The following STAC2 variants were observed in gnomAD, a reference collection of about 807,000 sequenced individuals.
STAC2 encodes SH3 and cysteine-rich domain-containing protein 2.
A neutral mutation model predicts 49.0 loss-of-function variants in STAC2; 36 were observed. The observed-to-expected ratio is 0.74, with a 90% CI of 0.56 to 0.97. The LOEUF is 0.97. Among genes scored for constraint, STAC2 ranks in the 50% least tolerant of loss-of-function variants. STAC2 has a pLI of 0.00. For synonymous variants in STAC2, 239 were observed against 214.7 expected (o/e 1.11, Z -0.99); for missense variants, 527 against 543.8 (o/e 0.97, Z 0.31).
chr17:39,218,107 A>T lies in STAC2; in HGVS notation c.157T>A (p.Phe53Ile). 5 of 1,613,382 alleles carry T rather than the reference A, an allele frequency of 3.1e-6. No individual in the cohort carries two copies. The highest frequency in any genetic ancestry group is 4.2e-6 in the Non-Finnish European group (5 of 1,180,008). ...TTGAGCTCAGAGCCCGAGCGAAGGA[A>T]GAAGTTCTCCAAGCTCTTACTTCGG... Reference protein sequence around the residue: ...ILRSKSLENFFLRSGSELKCP... With the variant: ...ILRSKSLENFILRSGSELKCP... Residue 53 changes from phenylalanine (F) to isoleucine (I), a missense_variant, in exon 2 of 11, where the codon TTC (phenylalanine) becomes ATC (isoleucine). By Grantham distance (21) the Phe-to-Ile change is conservative (BLOSUM62 0). Coordinates refer to ENST00000333461, the MANE Select transcript of STAC2 (RefSeq NM_198993.5).
chr17:39,223,563 G>A (rs1177306159), intron 1 of STAC2, among the ~76,000 whole-genome samples: 1 of 152,172 alleles, frequency 6.6e-6, no homozygotes, highest in East Asian at 1.9e-4. Flanking sequence ...AGAGGGAGAG[G>A]TACAGACCTG....
At chr17:39,213,642 C>A in intron 8 of STAC2, 84 bp from the exon 9 acceptor site, 7 of 1,105,546 alleles carry the variant, frequency 6.3e-6, no homozygotes, top group Non-Finnish European at 9.6e-6. Context: ...ACCTGGGGGA[C>A]ACTGCAGTCC....
In STAC2 at chr17:39,214,479, G is replaced by A. The variant is rs1597731498; in HGVS notation, c.844-149C>T. 3.4e-6 allele frequency: 5 copies of A among 1,467,972 alleles called. No individual in the cohort carries two copies. In the African/African-American group the frequency reaches 5.6e-5, roughly 16 times the overall value. The allele number at this position is 1,467,972 out of a possible 1,614,324, so 90.9% of individuals were successfully genotyped here. A position where few individuals can be genotyped will look rare whatever the true frequency, so the allele number is the denominator to read the frequency against. Reference sequence around the variant, plus strand: ...AGGGAGAAGTGAGACCCTCGTACATGCTATGCTCACCCACCCCAAAGCGCA... The same window carrying A: ...AGGGAGAAGTGAGACCCTCGTACATACTATGCTCACCCACCCCAAAGCGCA... On this transcript the variant is annotated intron_variant, in intron 7 of 10. Coordinates refer to ENST00000333461, the MANE Select transcript of STAC2 (RefSeq NM_198993.5).
chr17:39,213,300 T>C (rs2046371252), intron 9 of STAC2, among the ~76,000 whole-genome samples, 168 bp from the exon 10 acceptor site: 1 of 152,010 alleles, frequency 6.6e-6, no homozygotes, highest in Non-Finnish European at 1.5e-5. Flanking sequence ...AGGAATAGCA[T>C]AAGGTGAGCA....
rs1425092219 is a variant in STAC2 at position 39,212,975 on chromosome 17, G to T, written c.1131+20C>A. 3.1e-6 allele frequency: 5 copies of T among 1,612,922 alleles called. No homozygotes were observed. In the Admixed American group the frequency reaches 5.0e-5, roughly 16 times the overall value. On this transcript the variant is annotated intron_variant, in intron 10 of 10. Transcript: ENST00000333461. Reference sequence around the variant, plus strand: ...TCCCTCCCTCCGCCATAGGGCCTGGGCTGGGCCTCAGGCACTCACCTGGTT... The same window carrying T: ...TCCCTCCCTCCGCCATAGGGCCTGGTCTGGGCCTCAGGCACTCACCTGGTT...
At position 39,213,071 on chromosome 17, in the gene STAC2, C is replaced by T. The variant is rs766214466; in HGVS notation, c.1055G>A (p.Gly352Asp). ...TTGGCAGCAGCGCCAAACATTCTCG[C>T]CTGGCCTCACCCGTTGCACAAAATT... ...PANFVQRVRP[G>D]ENVWRCCQPF... The change falls in exon 10 of 11, where the codon GGC becomes GAC. Residue 352 changes from glycine to aspartate, a missense_variant. Physicochemically the swap from Gly to Asp is moderately conservative, Grantham distance 94. Coordinates refer to ENST00000333461, the MANE Select transcript of STAC2 (RefSeq NM_198993.5). 3.7e-6 allele frequency: 6 copies of T among 1,613,560 alleles called. No individual in the cohort carries two copies. The highest frequency in any genetic ancestry group is 1.1e-5 in the South Asian group (1 of 91,084).
chr17:39,225,612 GC>G lies in STAC2; in HGVS notation c.-111del. ...ACTCTGAAGCCGTTCTCCAGAGGCT[GC>G]CCCCAGTTAGCCCCCGGCACGGCAG... On this transcript the variant is annotated 5_prime_UTR_variant, in exon 1 of 11. Transcript: ENST00000333461. The surrounding 1 kb of genome is among the most constrained non-coding windows in gnomAD (Gnocchi z 8.2). The G allele has an allele frequency of 4.7e-6, 5 of 1,061,014 alleles. No homozygotes were observed. The highest frequency in any genetic ancestry group is 7.0e-6 in the Non-Finnish European group (5 of 713,706). The allele number at this position is 1,061,014 out of a possible 1,614,324, so 65.7% of individuals were successfully genotyped here.
chr17:39,218,111 G>T lies in STAC2; in HGVS notation c.153C>A (p.Asn51Lys). ...KTILRSKSLENFFLRSGSELK... is the reference protein window; with the variant it reads ...KTILRSKSLEKFFLRSGSELK... ...GCTCAGAGCCCGAGCGAAGGAAGAA[G>T]TTCTCCAAGCTCTTACTTCGGAGGA... The change falls in exon 2 of 11, where the codon AAC (asparagine) becomes AAA (lysine). Residue 51 changes from asparagine (N) to lysine (K), a missense_variant. Physicochemically the swap from Asn to Lys is moderately conservative, Grantham distance 94. Coordinates refer to ENST00000333461, the MANE Select transcript of STAC2 (RefSeq NM_198993.5). 1.9e-6 allele frequency: 3 copies of T among 1,613,448 alleles called. No homozygotes were observed. The highest frequency in any genetic ancestry group is 2.5e-6 in the Non-Finnish European group (3 of 1,180,018).
intron 10 of STAC2, 56 bp downstream of exon 10, chr17:39,212,939 C>T (rs2046367153): frequency 1.3e-6 from 2 of 1,599,432 alleles, no homozygotes; most frequent in Admixed American, 3.4e-5. Flanking sequence ...CAGCCTGTCT[C>T]CCCCGCCCAC....
At position 39,214,943 on chromosome 17, in the gene STAC2, C is replaced by T. The variant is rs1357973185; in HGVS notation, c.772+8G>A. 6.2e-7 allele frequency: 1 copy of T among 1,614,068 alleles called. No individual in the cohort carries two copies. Among genetic ancestry groups the T allele is most frequent in the Non-Finnish European group, 8.5e-7 (1 of 1,179,988 alleles). On this transcript the variant is annotated splice_region_variant and intron_variant, in intron 6 of 10. Transcript: ENST00000333461. ...CCATTCCTGCCCTTGATGCCCACCA[C>T]CACTCACCACTGTCACCAGGCCCCT...
intron 1 of STAC2, among the ~76,000 whole-genome samples, chr17:39,224,961 G>A (rs1034787445): frequency 1.3e-5 from 2 of 152,160 alleles, no homozygotes; most frequent in Non-Finnish European, 2.9e-5. Flanking sequence ...GACGGGGAGA[G>A]ACGCACACAG....
At chr17:39,213,160 C>T (rs571188176) in intron 9 of STAC2, 28 bp from the exon 10 acceptor site, 26 of 1,601,344 alleles carry the variant, frequency 1.6e-5, no homozygotes, top group East Asian at 4.5e-5. Flanking sequence ...AATGAACACC[C>T]GCGCCACACC....
chr17:39,215,367 G>A, intron 4 of STAC2, 137 bp from the exon 5 acceptor site: 1 of 839,956 alleles, frequency 1.2e-6, no homozygotes, highest in South Asian at 1.6e-5. Context: ...CCCAGAGATG[G>A]CTCTGGGTCC....
intron 1 of STAC2, among the ~76,000 whole-genome samples, chr17:39,219,575 C>G (rs1300614231): frequency 6.6e-6 from 1 of 152,226 alleles, no homozygotes; most frequent in African/African-American, 2.4e-5. Context: ...AATCCCCACG[C>G]AGGCTCTCAA....
chr17:39,224,646 C>T (rs998104859), intron 1 of STAC2, among the ~76,000 whole-genome samples: 1 of 152,228 alleles, frequency 6.6e-6, no homozygotes, highest in Non-Finnish European at 1.5e-5. Context: ...TGATGACATT[C>T]ATTAATTACG....
At chr17:39,212,514 G>T in intron 10 of STAC2, 118 bp from the exon 11 acceptor site, 2 of 720,628 alleles carry the variant, frequency 2.8e-6, no homozygotes, top group Non-Finnish European at 4.7e-6. Flanking sequence ...GTCAGATGTG[G>T]ATGGAGCCCT....
intron 1 of STAC2, among the ~76,000 whole-genome samples, chr17:39,223,104 A>T (rs2046477792): frequency 6.6e-6 from 1 of 152,134 alleles, no homozygotes; most frequent in South Asian, 2.1e-4. Flanking sequence ...CTGGCCAGTG[A>T]TTCCCAGGGG....
In STAC2 at chr17:39,210,852, T is replaced by C. The variant is rs376143541; in HGVS notation, c.*1440A>G. On this transcript the variant is annotated 3_prime_UTR_variant, in exon 11 of 11. Transcript: ENST00000333461. Reference sequence around the variant, plus strand: ...GGATCTGAGCTTGGGGGAGGGAGGTTGGCACCGAGAAAAGCAGCTGTATTA... The same window carrying C: ...GGATCTGAGCTTGGGGGAGGGAGGTCGGCACCGAGAAAAGCAGCTGTATTA... The C allele has an allele frequency of 4.1e-4, 63 of 152,118 alleles. No individual in the cohort carries two copies. Among genetic ancestry groups the C allele is most frequent in the East Asian group, 2.1e-3 (11 of 5,284 alleles). 9.4% of individuals were successfully genotyped at this position (152,118 alleles called of 1,614,324 possible).
intron 1 of STAC2, among the ~76,000 whole-genome samples, chr17:39,218,899 G>C (rs554824980): frequency 3.3e-5 from 5 of 152,170 alleles, no homozygotes; most frequent in African/African-American, 1.2e-4. Flanking sequence ...ACAGGCTGGT[G>C]GGGGGTGAGG....
Sources: allele counts gnomAD v4.1 joint callset (sites outside exome capture counted in the v4.1 genomes callset), GRCh38; gene constraint gnomAD v4.1.1; non-coding constraint Gnocchi (gnomAD v3.1); transcripts MANE v1.5; gene names NCBI Gene and HGNC (gene_info 2026-07-23, HGNC 2026-07-21).